The following TLN2 variants were observed in gnomAD, a reference collection of about 807,000 sequenced individuals.
TLN2 encodes talin-2.
Under a neutral mutation model 294.7 loss-of-function variants are expected in TLN2, and 118 were observed. The observed-to-expected ratio is 0.40, with a 90% CI of 0.34 to 0.47. The LOEUF is 0.47. TLN2 is among the 20% of genes least tolerant of loss of function. The pLI is 0.84. For synonymous variants in TLN2, 1,431 were observed against 1,304.5 expected, an observed-to-expected ratio of 1.10 and a Z score of -2.09; for missense variants, 3,083 against 3,282.2, an observed-to-expected ratio of 0.94 and a Z score of 1.48.
chr15:62,665,921 C>T (rs892625315), intron 9 of TLN2, among the ~76,000 whole-genome samples: 14 of 152,204 alleles, frequency 9.2e-5, no homozygotes, highest in African/African-American at 3.1e-4. Context: ...TTGCGTACTT[C>T]CTCCCAGTGA....
rs144001037 is a variant in TLN2 at position 62,530,557 on chromosome 15, A to G, written c.-237-59130A>G. On this transcript the variant is annotated intron_variant, in intron 1 of 58. Coordinates refer to ENST00000636159, the MANE Select transcript of TLN2 (RefSeq NM_015059.3). ...TTTTTAGTAGAGACAGGGTTTCACT[A>G]TGTTGGCCAGGCTGGTCTCGAACTC... Among the ~76,000 whole-genome samples the G allele has an allele frequency of 3.0e-3, 452 of 151,748 alleles. 4 individuals are homozygous for G. The highest frequency in any genetic ancestry group is 0.01 in the African/African-American group (428 of 41,382).
intron 3 of TLN2, among the ~76,000 whole-genome samples, chr15:62,644,135 C>T (rs2051518339): frequency 1.3e-5 from 2 of 152,150 alleles, no homozygotes; most frequent in East Asian, 3.9e-4. Context: ...ACCTGCTACT[C>T]CAGGCTCTCC....
rs1410872832 is a variant in TLN2 at position 62,841,669 on chromosome 15, A to ATTATCACATAAGACATAAGATG, written c.*1062_*1083dup. On this transcript the variant is annotated 3_prime_UTR_variant, in exon 59 of 59. Transcript: ENST00000636159. ...AACCTTTAACAAGATAGTTTTACTT[A>ATTATCACATAAGACATAAGATG]TTATCACATAAGACATAAGATGTTT... 6.0e-5 allele frequency: 9 copies of ATTATCACATAAGACATAAGATG among 151,188 alleles called. No homozygotes were observed. Among genetic ancestry groups the ATTATCACATAAGACATAAGATG allele is most frequent in the Non-Finnish European group, 7.4e-5 (5 of 68,026 alleles). 9.4% of individuals were successfully genotyped at this position (151,188 alleles called of 1,614,324 possible).
At chr15:62,700,182 G>A (rs1314497582) in intron 16 of TLN2, among the ~76,000 whole-genome samples, 1 of 152,180 alleles carries the variant, frequency 6.6e-6, no homozygotes, top group Non-Finnish European at 1.5e-5. Flanking sequence ...AATTGGTAGA[G>A]TTTTAAAATA....
At chr15:62,696,165 T>C (rs2058316874) in intron 14 of TLN2, among the ~76,000 whole-genome samples, 1 of 152,186 alleles carries the variant, frequency 6.6e-6, no homozygotes, top group Admixed American at 6.5e-5. Flanking sequence ...TGCCTGTTGC[T>C]TGGGATCCCC....
intron 1 of TLN2, among the ~76,000 whole-genome samples, chr15:62,542,912 A>G (rs1220085492): frequency 6.6e-6 from 1 of 152,154 alleles, no homozygotes; most frequent in Non-Finnish European, 1.5e-5. Context: ...CACTAAGACT[A>G]GATTGACTCA....
intron 2 of TLN2, among the ~76,000 whole-genome samples, chr15:62,597,625 C>A (rs2046642886): frequency 6.6e-6 from 1 of 152,092 alleles, no homozygotes; most frequent in African/African-American, 2.4e-5. Context: ...TGCCAGTGGC[C>A]AAGGAAAGCT....
intron 50 of TLN2, 126 bp from the exon 51 acceptor site, chr15:62,805,474 A>T (rs937936520): frequency 4.0e-6 from 4 of 1,007,154 alleles, no homozygotes; most frequent in Non-Finnish European, 5.6e-6. Flanking sequence ...TAATTTCGCC[A>T]TGTGACAGTT....
chr15:62,576,595 AT>A (rs3055751), intron 1 of TLN2, among the ~76,000 whole-genome samples: 13,473 of 102,864 alleles, frequency 0.13, 573 homozygotes, highest in Non-Finnish European at 0.14. Flanking sequence ...ATTGCTCTGT[AT>A]TTTTTTTTTT....
chr15:62,595,115 G>A (rs191162966), intron 2 of TLN2, among the ~76,000 whole-genome samples: 55 of 152,268 alleles, frequency 3.6e-4, no homozygotes, highest in Admixed American at 1.2e-3. Context: ...TTGTTAGGAT[G>A]GCTATCATCA....
intron 32 of TLN2, among the ~76,000 whole-genome samples, chr15:62,744,225 A>G (rs182258574): frequency 2.1e-4 from 32 of 151,906 alleles, no homozygotes; most frequent in Middle Eastern, 3.4e-3. Flanking sequence ...GCGAGTCCCT[A>G]CATACCTCTG....
chr15:62,720,127 G>A (rs1347145881), intron 25 of TLN2, among the ~76,000 whole-genome samples: 5 of 152,230 alleles, frequency 3.3e-5, no homozygotes, highest in African/African-American at 4.8e-5. Flanking sequence ...CAGGATTATC[G>A]TATTTATTTC....
At chr15:62,574,579 CAAAAAAAAAAAAAAAAAAAAAAAAA>C (rs56279063) in intron 1 of TLN2, among the ~76,000 whole-genome samples, 14 of 46,486 alleles carry the variant, frequency 3.0e-4, no homozygotes, top group Non-Finnish European at 3.8e-4. Context: ...GACCCTGTCT[CAAAAAAAAAAAAAAAAAAAAAAAAA>C]AAAAAAAAAA....
intron 1 of TLN2, among the ~76,000 whole-genome samples, chr15:62,509,716 A>G (rs986179445): frequency 1.3e-5 from 2 of 152,140 alleles, no homozygotes; most frequent in African/African-American, 2.4e-5. Context: ...TTGTCAGGTC[A>G]TGGCCATCCG....
At chr15:62,603,039 C>T (rs867943806) in intron 2 of TLN2, among the ~76,000 whole-genome samples, 1 of 152,010 alleles carries the variant, frequency 6.6e-6, no homozygotes, top group Non-Finnish European at 1.5e-5. Flanking sequence ...ACTACAAGCG[C>T]CAGCCACCAC....
chr15:62,772,391 G>T (rs1280647716), intron 42 of TLN2, among the ~76,000 whole-genome samples: 2 of 152,142 alleles, frequency 1.3e-5, no homozygotes, highest in Non-Finnish European at 2.9e-5. Context: ...GGAAAAATAA[G>T]TTGAGTTGCT....
At chr15:62,752,634 A>G (rs919406293) in intron 35 of TLN2, among the ~76,000 whole-genome samples, 1 of 152,232 alleles carries the variant, frequency 6.6e-6, no homozygotes, top group Non-Finnish European at 1.5e-5. Flanking sequence ...GCTGGGGAGC[A>G]TGGCAAGACT....
chr15:62,592,149 T>C (rs1243547786), intron 2 of TLN2, among the ~76,000 whole-genome samples: 1 of 152,128 alleles, frequency 6.6e-6, no homozygotes, highest in Non-Finnish European at 1.5e-5. Flanking sequence ...GACTGAATTA[T>C]TTAGCACAGT....
chr15:62,411,903 G>A (rs2033801120), intron 1 of TLN2, among the ~76,000 whole-genome samples: 1 of 152,186 alleles, frequency 6.6e-6, no homozygotes, highest in Admixed American at 6.5e-5. Context: ...CTTTAGAAGA[G>A]GGATGTGGAT....
Sources: gnomAD v4.1 joint callset for allele counts (sites outside exome capture counted in the v4.1 genomes callset) on GRCh38, gnomAD v4.1.1 for gene constraint, MANE v1.5 for transcripts, NCBI Gene and HGNC (gene_info 2026-07-23, HGNC 2026-07-21) for gene names.